EFTUD2: variants seen among roughly 807,000 people sequenced by gnomAD.
The protein encoded by EFTUD2 is elongation factor Tu GTP binding domain containing 2.
EFTUD2 carries 9 observed loss-of-function variants against 114.3 expected under a neutral mutation model. The observed-to-expected ratio is 0.08, with a 90% confidence interval of 0.05 to 0.14. EFTUD2 has a LOEUF of 0.14. Among genes scored for constraint, EFTUD2 ranks in the 10% least tolerant of loss-of-function variants. EFTUD2 has a pLI of 1.00. For synonymous variants in EFTUD2, 449 were observed against 462.3 expected (o/e 0.97, Z 0.37); for missense variants, 765 against 1,241.2 (o/e 0.62, Z 5.76).
At chr17:44,872,237 T>TA (rs1207754635) in intron 11 of EFTUD2, among the ~76,000 whole-genome samples, 2 of 152,334 alleles carry the variant, frequency 1.3e-5, no homozygotes, top group African/African-American at 4.8e-5. Flanking sequence ...CATGTCCTCC[T>TA]ATTCACTTTT....
intron 20 of EFTUD2, among the ~76,000 whole-genome samples, chr17:44,856,839 T>C (rs1276889889): frequency 1.3e-5 from 2 of 151,926 alleles, no homozygotes; most frequent in Non-Finnish European, 2.9e-5. Context: ...AGAGACAAAG[T>C]GGCAGTTATG....
chr17:44,852,685 C>T lies in EFTUD2; in HGVS notation c.2562-123G>A. On this transcript the variant is annotated intron_variant, in intron 25 of 27. Coordinates refer to ENST00000426333, the MANE Select transcript of EFTUD2 (RefSeq NM_004247.4). ...AGAGTTACCATCAAAGAAAGAGTAA[C>T]CAAGAATGTTCTACAAAAAGCAGAA... 4.1e-6 allele frequency: 5 copies of T among 1,227,328 alleles called. No individual in the cohort carries two copies. The South Asian group carries it at 7.7e-5, about 19-fold the overall frequency. 76.0% of individuals were successfully genotyped at this position (1,227,328 alleles called of 1,614,324 possible). A position where few individuals can be genotyped will look rare whatever the true frequency, so the allele number is the denominator to read the frequency against.
At chr17:44,898,477 C>T (rs921139278) in intron 1 of EFTUD2, among the ~76,000 whole-genome samples, 1 of 152,210 alleles carries the variant, frequency 6.6e-6, no homozygotes, top group Non-Finnish European at 1.5e-5. Context: ...GCGTCTTTCT[C>T]CCAAAGTGCT....
chr17:44,886,835 G>A, intron 2 of EFTUD2, 85 bp from the exon 3 acceptor site: 4 of 1,520,612 alleles, frequency 2.6e-6, no homozygotes, highest in Non-Finnish European at 3.5e-6. Flanking sequence ...TGACAGCACT[G>A]ACTGTACATG....
At position 44,850,029 on chromosome 17, in the gene EFTUD2, G is replaced by A. The variant is rs1452377083; in HGVS notation, c.*1245C>T. 8 of 288,854 alleles carry A rather than the reference G, an allele frequency of 2.8e-5. No homozygotes were observed. Among genetic ancestry groups the A allele is most frequent in the Middle Eastern group, 1.1e-3 (1 of 898 alleles). 17.9% of individuals were successfully genotyped at this position (288,854 alleles called of 1,614,324 possible). On this transcript the variant is annotated 3_prime_UTR_variant, in exon 28 of 28. Coordinates refer to ENST00000426333, the MANE Select transcript of EFTUD2 (RefSeq NM_004247.4). ...ACAGTGGACAAATCTTTCTCACTGA[G>A]CCTCAGTTTCCTGATGTGTAACATG...
Position 44,854,926 on chromosome 17 carries a change from C to G in EFTUD2, c.2124G>C (p.Thr708=), listed in dbSNP as rs759610669. 2 of 1,614,134 alleles carry G rather than the reference C, an allele frequency of 1.2e-6. No homozygotes were observed. The highest frequency in any genetic ancestry group is 1.7e-6 in the Non-Finnish European group (2 of 1,179,974). ...EDIENEVVQI[T]WNRKKLGEFF... is the part of the protein sequence containing the mutation. ...CAGAGCCCTGTTCTCACCTGTTCCA[C>G]GTAATCTGGACCACCTCATTCTCTA... The change falls in exon 21 of 28, where the codon ACG becomes ACC. Residue 708 remains threonine (T), a synonymous_variant. Coordinates refer to ENST00000426333, the MANE Select transcript of EFTUD2 (RefSeq NM_004247.4). The surrounding 1 kb of genome is among the most constrained non-coding windows in gnomAD (Gnocchi z 4.3).
intron 10 of EFTUD2, 51 bp from the exon 11 acceptor site, chr17:44,872,621 G>A (rs763663636): frequency 3.3e-6 from 5 of 1,532,740 alleles, no homozygotes; most frequent in African/African-American, 1.4e-5. Flanking sequence ...CAGCCCGGAC[G>A]CACTGCCAAG....
intron 13 of EFTUD2, among the ~76,000 whole-genome samples, chr17:44,866,239 A>G (rs995949851): frequency 2.0e-5 from 3 of 151,942 alleles, no homozygotes; most frequent in African/African-American, 7.3e-5. Flanking sequence ...TCATACGAAC[A>G]TGCTTTGTTT....
At chr17:44,880,675 T>G in intron 7 of EFTUD2, 31 bp from the exon 8 acceptor site, 4 of 1,584,460 alleles carry the variant, frequency 2.5e-6, no homozygotes, top group Non-Finnish European at 3.5e-6. Flanking sequence ...TCAAGACCTC[T>G]TCCTATGCAA....
intron 6 of EFTUD2, 153 bp from the exon 7 acceptor site, chr17:44,881,875 C>T (rs536592679): frequency 1.5e-6 from 1 of 667,134 alleles, no homozygotes; most frequent in African/African-American, 1.8e-5. Flanking sequence ...CAATTACAGA[C>T]AATGAGACCA....
chr17:44,852,656 G>T, intron 25 of EFTUD2, 94 bp from the exon 26 acceptor site: 1 of 1,429,848 alleles, frequency 7.0e-7, no homozygotes, highest in Non-Finnish European at 9.6e-7. Context: ...ATGCATTCCA[G>T]CCCAGAGTTA....
intron 15 of EFTUD2, chr17:44,863,292 T>A (rs1040949254): frequency 4.0e-6 from 1 of 248,936 alleles, no homozygotes; most frequent in African/African-American, 2.2e-5. Context: ...GGAAAGATGT[T>A]TTTAAAAGCC....
intron 11 of EFTUD2, among the ~76,000 whole-genome samples, chr17:44,870,424 T>G (rs546392387): frequency 6.6e-6 from 1 of 152,256 alleles, no homozygotes; most frequent in Admixed American, 6.5e-5. Context: ...ATACATCTAA[T>G]AACAAGAAAA....
intron 6 of EFTUD2, 49 bp downstream of exon 6, chr17:44,883,044 A>G (rs773529130): frequency 3.8e-6 from 6 of 1,573,074 alleles, no homozygotes; most frequent in Middle Eastern, 3.4e-4. Context: ...AGACATCTCT[A>G]TCTGTTCTGA....
intron 6 of EFTUD2, among the ~76,000 whole-genome samples, chr17:44,882,287 A>C (rs2051086145): frequency 6.6e-6 from 1 of 151,938 alleles, no homozygotes; most frequent in Non-Finnish European, 1.5e-5. Context: ...AGTCTCACTC[A>C]GTCGCCCAGA....
intron 6 of EFTUD2, 26 bp from the exon 7 acceptor site, chr17:44,881,748 C>T: frequency 2.5e-6 from 4 of 1,613,274 alleles, no homozygotes; most frequent in Non-Finnish European, 3.4e-6. Flanking sequence ...CTGTTGTTAC[C>T]ACCTGAGTTG....
At chr17:44,898,669 T>C (rs2051447194) in intron 1 of EFTUD2, among the ~76,000 whole-genome samples, 1 of 152,218 alleles carries the variant, frequency 6.6e-6, no homozygotes, top group Non-Finnish European at 1.5e-5. Flanking sequence ...AAGTCTCCAC[T>C]AAAATGTCAT....
chr17:44,880,175 G>T (rs921592998), intron 8 of EFTUD2, among the ~76,000 whole-genome samples: 10 of 152,152 alleles, frequency 6.6e-5, no homozygotes, highest in Admixed American at 6.5e-4. Flanking sequence ...AAGGTGCGCT[G>T]CTCCCAAGGT....
At chr17:44,859,377 A>G in intron 18 of EFTUD2, 196 bp from the exon 19 acceptor site, 1 of 605,170 alleles carries the variant, frequency 1.7e-6, no homozygotes, top group Non-Finnish European at 3.0e-6. Context: ...AGGACCACTC[A>G]GCATGGTGAT....
Sources: gnomAD v4.1 joint callset for allele counts (sites outside exome capture counted in the v4.1 genomes callset) on GRCh38, gnomAD v4.1.1 for gene constraint, Gnocchi (gnomAD v3.1) non-coding constraint, MANE v1.5 for transcripts, NCBI Gene and HGNC (gene_info 2026-07-23, HGNC 2026-07-21) for gene names.